Variants in GRIP1 observed in about 807,000 individuals in gnomAD.
GRIP1 encodes glutamate receptor interacting protein 1.
Under a neutral mutation model 129.9 loss-of-function variants are expected in GRIP1, and 45 were observed. That is an observed-to-expected ratio of 0.35 (90% CI 0.27 to 0.44). The LOEUF is 0.44. GRIP1 is among the 20% of genes least tolerant of loss of function. The pLI, the probability that GRIP1 is intolerant of heterozygous loss-of-function variation, is 1.00. For synonymous variants in GRIP1, 530 were observed against 520.8 expected, an observed-to-expected ratio of 1.02 and a Z score of -0.24; for missense variants, 1,196 against 1,396.8, an observed-to-expected ratio of 0.86 and a Z score of 2.29.
chr12:66,393,028 T>C (rs1256671058), intron 17 of GRIP1, among the ~76,000 whole-genome samples: 1 of 152,188 alleles, frequency 6.6e-6, no homozygotes, highest in East Asian at 1.9e-4. Context: ...AAAATTGTTT[T>C]AATTAGTTAT....
At chr12:66,527,084 T>C (rs1189513274) in intron 5 of GRIP1, among the ~76,000 whole-genome samples, 4 of 146,534 alleles carry the variant, frequency 2.7e-5, no homozygotes, top group Non-Finnish European at 6.0e-5. Flanking sequence ...GGTGGGACTG[T>C]AAACTAGTTC....
In GRIP1 at chr12:66,980,925, T is replaced by G. The variant is rs73133660; in HGVS notation, c.58+88125A>C. 8.2e-3 allele frequency among the ~76,000 whole-genome samples: 1,246 copies of G among 152,332 alleles called. 6 individuals are homozygous for G. Among genetic ancestry groups the G allele is most frequent in the Non-Finnish European group, 0.014 (981 of 68,028 alleles). ...GTTCTCCATTTCCGTGTTTTGAGCATTGGCCAAATTACCACTAGACAACTA... is the reference window on the plus strand; with the variant it reads ...GTTCTCCATTTCCGTGTTTTGAGCAGTGGCCAAATTACCACTAGACAACTA... On this transcript the variant is annotated intron_variant, in intron 1 of 1. Coordinates refer to the GRIP1 transcript ENST00000643019.
intron 1 of GRIP1, among the ~76,000 whole-genome samples, chr12:67,005,023 TA>T (rs34237594): frequency 0.71 from 105,937 of 149,476 alleles, 37,943 homozygotes; most frequent in African/African-American, 0.82. Context: ...GCATTAACTT[TA>T]AAAAAAAAAA....
rs142403146 is a variant in GRIP1 at position 66,359,551 on chromosome 12, C to T, written c.3013-5988G>A. On this transcript the variant is annotated intron_variant, in intron 23 of 24. Coordinates refer to ENST00000359742, the MANE Select transcript of GRIP1 (RefSeq NM_001366722.1). The stretch of plus-strand genomic sequence containing the variant: ...TTAACTTCAAGGTCACAGTTATTGG[C>T]AAAGAGCCTTGGTTTTTCTGAGCCT... 2.1e-3 allele frequency among the ~76,000 whole-genome samples: 313 copies of T among 152,218 alleles called. 1 individual carries two copies. Among genetic ancestry groups the T allele is most frequent in the African/African-American group, 7.1e-3 (293 of 41,540 alleles).
At chr12:66,794,171 G>T (rs759333232) in intron 1 of GRIP1, among the ~76,000 whole-genome samples, 34 of 152,148 alleles carry the variant, frequency 2.2e-4, no homozygotes, top group Admixed American at 2.6e-4. Context: ...CGGAATCATT[G>T]ATATGGCAAA....
intron 1 of GRIP1, among the ~76,000 whole-genome samples, chr12:67,059,185 A>G (rs139257854): frequency 2.3e-3 from 355 of 152,354 alleles, no homozygotes; most frequent in Non-Finnish European, 3.8e-3. Context: ...ATCATGATTC[A>G]GAGAAAACAG....
chr12:66,361,280 C>T (rs1459590042), intron 23 of GRIP1, among the ~76,000 whole-genome samples: 1 of 152,130 alleles, frequency 6.6e-6, no homozygotes, highest in Non-Finnish European at 1.5e-5. Context: ...AATGCCACCT[C>T]CTGCTTCATT....
Position 66,750,725 on chromosome 12 carries a change from C to T in GRIP1, c.-420+53328G>A, listed in dbSNP as rs533755628. Reference sequence around the variant, plus strand: ...TAAATCTGTTACATTAGAGGAGTGCCAAAGTCTCTACAGATCACAAAGAGA... The same window carrying T: ...TAAATCTGTTACATTAGAGGAGTGCTAAAGTCTCTACAGATCACAAAGAGA... On this transcript the variant is annotated intron_variant, in intron 1 of 4. Transcript: ENST00000538373. Among the ~76,000 whole-genome samples the T allele has an allele frequency of 3.9e-5, 6 of 152,230 alleles. No individual in the cohort carries two copies. In the South Asian group the frequency reaches 1.2e-3, roughly 32 times the overall value.
chr12:66,359,438 C>T (rs898475525), intron 23 of GRIP1, among the ~76,000 whole-genome samples: 4 of 152,184 alleles, frequency 2.6e-5, no homozygotes, highest in African/African-American at 7.2e-5. Flanking sequence ...AGAGTGGCAC[C>T]TAAAACTAAC....
At chr12:66,696,167 C>T (rs901703520) in intron 1 of GRIP1, among the ~76,000 whole-genome samples, 1 of 152,088 alleles carries the variant, frequency 6.6e-6, no homozygotes, top group African/African-American at 2.4e-5. Context: ...ATAACACTTA[C>T]CAGCTGTGCC....
At chr12:66,832,249 AG>A (rs759858001) in intron 1 of GRIP1, among the ~76,000 whole-genome samples, 24 of 152,216 alleles carry the variant, frequency 1.6e-4, no homozygotes, top group Non-Finnish European at 3.1e-4. Context: ...AATATTTTAT[AG>A]CTTCCTGTGG....
At chr12:66,488,135 G>C (rs532469193) in intron 7 of GRIP1, among the ~76,000 whole-genome samples, 1 of 152,236 alleles carries the variant, frequency 6.6e-6, no homozygotes, top group African/African-American at 2.4e-5. Flanking sequence ...GGACCTGATA[G>C]ATATCTACAG....
rs549191749 is a variant in GRIP1, at chr12:66,555,837, A to G, written c.137-13887T>C. 3.3e-5 allele frequency among the ~76,000 whole-genome samples: 5 copies of G among 152,218 alleles called. No homozygotes were observed. The East Asian group carries it at 7.7e-4, about 24-fold the overall frequency. ...AGTGATCAAGCAGAAGGAAGAATTA[A>G]TGAACTTGAAGACAGTCTATTTGAA... On this transcript the variant is annotated intron_variant, in intron 2 of 24. Transcript: ENST00000359742.
At chr12:66,983,462 T>G (rs71452332) in intron 1 of GRIP1, among the ~76,000 whole-genome samples, 1 of 152,088 alleles carries the variant, frequency 6.6e-6, no homozygotes, top group Non-Finnish European at 1.5e-5. Context: ...TGAATGGACA[T>G]GTTTAAGTAA....
At chr12:66,897,733 A>G (rs768478230) in intron 1 of GRIP1, among the ~76,000 whole-genome samples, 30 of 152,306 alleles carry the variant, frequency 2.0e-4, no homozygotes, top group Non-Finnish European at 2.9e-4. Context: ...CCGTGTTTAG[A>G]CCAGTGATTT....
chr12:66,702,154 C>T (rs1214765050), intron 1 of GRIP1, among the ~76,000 whole-genome samples: 1 of 152,132 alleles, frequency 6.6e-6, no homozygotes, highest in East Asian at 1.9e-4. Flanking sequence ...TTACACTAGG[C>T]TATATACTCT....
intron 1 of GRIP1, among the ~76,000 whole-genome samples, chr12:66,665,549 A>G (rs982834510): frequency 6.6e-6 from 1 of 152,200 alleles, no homozygotes; most frequent in Admixed American, 6.5e-5. Context: ...ATGATATCAT[A>G]CACATTTTTC....
At chr12:66,357,612 A>G (rs2054555876) in intron 23 of GRIP1, among the ~76,000 whole-genome samples, 1 of 152,218 alleles carries the variant, frequency 6.6e-6, no homozygotes, top group Non-Finnish European at 1.5e-5. Context: ...GGGGTTGCAA[A>G]GCGATAATCT....
At chr12:67,051,332 G>T (rs1425936734) in intron 1 of GRIP1, among the ~76,000 whole-genome samples, 1 of 151,852 alleles carries the variant, frequency 6.6e-6, no homozygotes, top group Non-Finnish European at 1.5e-5. Flanking sequence ...AATGCACTTT[G>T]CAGAGAGATT....
Sources: gnomAD v4.1 joint callset for allele counts (sites outside exome capture counted in the v4.1 genomes callset) on GRCh38, gnomAD v4.1.1 for gene constraint, MANE v1.5 for transcripts, NCBI Gene and HGNC (gene_info 2026-07-23, HGNC 2026-07-21) for gene names.